Variants in CDH12 observed in about 807,000 individuals in gnomAD.
CDH12 encodes cadherin-12.
CDH12 carries 41 observed loss-of-function variants against 74.1 expected under a neutral mutation model. That is an observed-to-expected ratio of 0.55 (90% CI 0.43 to 0.72). The LOEUF is 0.72. Among genes scored for constraint, CDH12 ranks in the 30% least tolerant of loss-of-function variants. CDH12 has a pLI of 0.00. For synonymous variants in CDH12, 399 were observed against 355.0 expected (o/e 1.12, Z -1.39); for missense variants, 945 against 977.2 (o/e 0.97, Z 0.44).
intron 1 of CDH12, among the ~76,000 whole-genome samples, chr5:22,563,374 A>C (rs2126753849): frequency 6.6e-6 from 1 of 152,176 alleles, no homozygotes; most frequent in South Asian, 2.1e-4. Context: ...CATTTTTATG[A>C]ATTCTTCTGA....
intron 8 of CDH12, among the ~76,000 whole-genome samples, chr5:21,817,781 A>G (rs974773003): frequency 2.0e-5 from 3 of 151,086 alleles, no homozygotes; most frequent in Non-Finnish European, 4.4e-5. Flanking sequence ...ATTTTAAATC[A>G]TAAAGTTCTG....
intron 1 of CDH12, among the ~76,000 whole-genome samples, chr5:22,701,679 C>T (rs1468443254): frequency 1.3e-5 from 2 of 152,026 alleles, no homozygotes; most frequent in Non-Finnish European, 2.9e-5. Flanking sequence ...CCTTCTACTC[C>T]CATATTTTAC....
chr5:21,838,955 T>C (rs1749690253), intron 8 of CDH12, among the ~76,000 whole-genome samples: 1 of 152,220 alleles, frequency 6.6e-6, no homozygotes, highest in Admixed American at 6.5e-5. Flanking sequence ...CTATCACCCA[T>C]GTGAATGAGG....
chr5:22,698,716 TATATATATATATATATATA>T (rs1561585934), intron 1 of CDH12, among the ~76,000 whole-genome samples: 30 of 14,402 alleles, frequency 2.1e-3, no homozygotes, highest in African/African-American at 5.0e-3. Context: ...TATATATATA[TATATATATATATATATATA>T]GTGTGTGTGT....
chr5:21,773,126 G>C (rs775568497), intron 11 of CDH12, among the ~76,000 whole-genome samples: 1 of 151,966 alleles, frequency 6.6e-6, no homozygotes, highest in Non-Finnish European at 1.5e-5. Flanking sequence ...TATTATTTCC[G>C]ATGTATATGA....
At chr5:22,191,853 C>A (rs185756686) in intron 4 of CDH12, among the ~76,000 whole-genome samples, 1 of 151,974 alleles carries the variant, frequency 6.6e-6, no homozygotes, top group African/African-American at 2.4e-5. Flanking sequence ...CGTGAGCCAC[C>A]GCGCCCGGCC....
intron 4 of CDH12, among the ~76,000 whole-genome samples, chr5:22,153,387 T>C (rs1378593131): frequency 6.6e-6 from 1 of 151,788 alleles, no homozygotes; most frequent in African/African-American, 2.4e-5. Flanking sequence ...ACTCACTGAT[T>C]TCCCATGTAT....
rs575108054 is a variant in CDH12 at position 22,061,361 on chromosome 5, CAG to C, written c.231+17083_231+17084del. Among the ~76,000 whole-genome samples the C allele has an allele frequency of 2.4e-3, 368 of 152,158 alleles. 4 individuals carry two copies. Among genetic ancestry groups the C allele is most frequent in the African/African-American group, 8.2e-3 (341 of 41,534 alleles). ...TCTGTAACAGTGGTTTTACTTTTTTCAGAGTCAGGAAAGAGGAATGTTTCTCT... is the reference window on the plus strand; with the variant it reads ...TCTGTAACAGTGGTTTTACTTTTTTCAGTCAGGAAAGAGGAATGTTTCTCT... On this transcript the variant is annotated intron_variant, in intron 5 of 14. Coordinates refer to ENST00000382254, the MANE Select transcript of CDH12 (RefSeq NM_004061.5).
chr5:22,447,494 T>A (rs1027406731), intron 2 of CDH12, among the ~76,000 whole-genome samples: 17 of 152,132 alleles, frequency 1.1e-4, no homozygotes, highest in Admixed American at 9.8e-4. Flanking sequence ...CTGATGTATT[T>A]AATCAGTGGA....
chr5:22,053,114 C>T (rs1448177111), intron 5 of CDH12, among the ~76,000 whole-genome samples: 2 of 150,348 alleles, frequency 1.3e-5, no homozygotes, highest in Non-Finnish European at 3.0e-5. Context: ...AAGAAGAATG[C>T]CTGAAGTACC....
intron 2 of CDH12, among the ~76,000 whole-genome samples, chr5:22,485,760 A>G (rs1746565965): frequency 6.6e-6 from 1 of 152,204 alleles, no homozygotes; most frequent in Non-Finnish European, 1.5e-5. Flanking sequence ...TTTTCCAAAT[A>G]ATAGAGGAAA....
chr5:22,396,870 G>A (rs1022227505), intron 3 of CDH12, among the ~76,000 whole-genome samples: 5 of 152,084 alleles, frequency 3.3e-5, no homozygotes, highest in Admixed American at 2.0e-4. Context: ...ACTGTCTGTC[G>A]TACCTCCTAA....
At chr5:22,632,596 A>C (rs564820124) in intron 1 of CDH12, among the ~76,000 whole-genome samples, 3 of 152,294 alleles carry the variant, frequency 2.0e-5, no homozygotes, top group African/African-American at 7.2e-5. Flanking sequence ...ATGAACATGA[A>C]GATAGGACAG....
chr5:22,128,238 G>C (rs1057059251), intron 4 of CDH12, among the ~76,000 whole-genome samples: 3 of 152,020 alleles, frequency 2.0e-5, no homozygotes, highest in African/African-American at 7.2e-5. Context: ...AAGAAGAAAA[G>C]GGCAAGGTGG....
chr5:22,144,836 G>A (rs923799637), intron 4 of CDH12, among the ~76,000 whole-genome samples: 3 of 151,882 alleles, frequency 2.0e-5, no homozygotes, highest in African/African-American at 7.3e-5. Flanking sequence ...TTAAATTACT[G>A]TTATTAATAT....
In CDH12 at chr5:22,775,946, G is replaced by A. The variant is rs536507874; in HGVS notation, c.-523+77112C>T. Among the ~76,000 whole-genome samples the A allele has an allele frequency of 3.9e-5, 6 of 152,054 alleles. No individual in the cohort carries two copies. In the South Asian group the frequency reaches 1.2e-3, roughly 32 times the overall value. On this transcript the variant is annotated intron_variant, in intron 1 of 14. Coordinates refer to ENST00000382254, the MANE Select transcript of CDH12 (RefSeq NM_004061.5). Reference sequence around the variant, plus strand: ...CCTTGAGATCTGATGGGTTTATCAGGGGTTTCCACTTTTGCCTCTTCCTCA... The same window carrying A: ...CCTTGAGATCTGATGGGTTTATCAGAGGTTTCCACTTTTGCCTCTTCCTCA...
At chr5:22,180,759 C>T (rs1749599939) in intron 4 of CDH12, among the ~76,000 whole-genome samples, 1 of 152,022 alleles carries the variant, frequency 6.6e-6, no homozygotes, top group South Asian at 2.1e-4. Context: ...TCTCAGCCTC[C>T]CAAAGTGCTG....
intron 3 of CDH12, among the ~76,000 whole-genome samples, chr5:22,315,251 C>T (rs931506932): frequency 2.7e-5 from 4 of 150,940 alleles, no homozygotes; most frequent in South Asian, 2.1e-4. Context: ...CGTGAGCCAC[C>T]GCGCCCGGCC....
rs1743961458 is a variant in CDH12, at chr5:22,098,827, TAGCAGTTCCACCA to T, written c.-186-19978_-186-19966del. ...CCCTGATTATGGCTTGATTTATTGATAGCAGTTCCACCAGGCCTAATCGCCACACACCAGCAAA... is the reference window on the plus strand; with the variant it reads ...CCCTGATTATGGCTTGATTTATTGATGGCCTAATCGCCACACACCAGCAAA... On this transcript the variant is annotated intron_variant, in intron 4 of 14. Transcript: ENST00000382254. 9.2e-5 allele frequency among the ~76,000 whole-genome samples: 14 copies of T among 152,268 alleles called. No individual in the cohort carries two copies. The South Asian group carries it at 2.9e-3, about 32-fold the overall frequency.
Sources: allele counts gnomAD v4.1 joint callset (sites outside exome capture counted in the v4.1 genomes callset), GRCh38; gene constraint gnomAD v4.1.1; transcripts MANE v1.5; gene names NCBI Gene and HGNC (gene_info 2026-07-23, HGNC 2026-07-21).